The following SFMBT1 variants were observed in gnomAD, a reference collection of about 807,000 sequenced individuals.
The protein encoded by SFMBT1 is Scm like with four mbt domains 1.
SFMBT1 carries 32 observed loss-of-function variants against 108.7 expected under a neutral mutation model. The ratio of observed to expected loss-of-function variants is 0.29; its 90% CI spans 0.22 to 0.40. SFMBT1 has a LOEUF of 0.40. Ranked by LOEUF, SFMBT1 falls within the 10% of genes least tolerant of loss-of-function variation. The pLI, the probability that SFMBT1 is intolerant of heterozygous loss-of-function variation, is 1.00. For synonymous variants in SFMBT1, 348 were observed against 369.5 expected, an observed-to-expected ratio of 0.94 and a Z score of 0.67; for missense variants, 816 against 1,059.6, an observed-to-expected ratio of 0.77 and a Z score of 3.19.
chr3:52,954,465 G>C, intron 2 of SFMBT1, 54 bp from the exon 3 acceptor site: 1 of 1,353,458 alleles, frequency 7.4e-7, no homozygotes. Flanking sequence ...GAAAACTCAA[G>C]GTATAAAAAT....
chr3:52,999,727 C>T (rs1575429206), intron 1 of SFMBT1, among the ~76,000 whole-genome samples: 1 of 149,982 alleles, frequency 6.7e-6, no homozygotes, highest in Non-Finnish European at 1.5e-5. Flanking sequence ...TCATCCTGTG[C>T]CATGTTATGT....
rs1314013935 is a variant in SFMBT1 at position 52,904,957 on chromosome 3, C to G, written c.*179G>C. The G allele has an allele frequency of 6.2e-6, 4 of 647,860 alleles. No homozygotes were observed. The highest frequency in any genetic ancestry group is 9.8e-6 in the Non-Finnish European group (4 of 409,034). The allele number at this position is 647,860 out of a possible 1,614,324, so 40.1% of individuals were successfully genotyped here. ...CACATTTCCACCAGCAGGTGATCCA[C>G]TTCTGTGCACAGTTTTTGCTTCCTC... On this transcript the variant is annotated 3_prime_UTR_variant, in exon 21 of 21. Coordinates refer to ENST00000394752, the MANE Select transcript of SFMBT1 (RefSeq NM_016329.4).
At chr3:53,013,025 C>T (rs529351167) in intron 1 of SFMBT1, among the ~76,000 whole-genome samples, 1 of 151,652 alleles carries the variant, frequency 6.6e-6, no homozygotes, top group Non-Finnish European at 1.5e-5. Flanking sequence ...ATATTTTATA[C>T]TACCTTTCCC....
At chr3:52,905,988 TAAGAC>T in intron 20 of SFMBT1, 120 bp downstream of exon 20, 2 of 1,105,822 alleles carry the variant, frequency 1.8e-6, no homozygotes, top group Non-Finnish European at 2.6e-6. Flanking sequence ...AAAATGGAAT[TAAGAC>T]AATTCTTGTC....
chr3:52,936,155 A>C (rs1039721815), intron 4 of SFMBT1, among the ~76,000 whole-genome samples: 13 of 152,212 alleles, frequency 8.5e-5, no homozygotes, highest in African/African-American at 3.1e-4. Flanking sequence ...TTTAACGGTT[A>C]CTACATAGAT....
chr3:52,907,216 T>C lies in SFMBT1; in HGVS notation c.2184A>G (p.Glu728=). The C allele has an allele frequency of 6.2e-7, 1 of 1,614,106 alleles. No homozygotes were observed. The highest frequency in any genetic ancestry group is 8.5e-7 in the Non-Finnish European group (1 of 1,180,008). The change falls in exon 19 of 21, where the codon GAA becomes GAG. Residue 728 remains glutamate, a synonymous_variant. Coordinates refer to ENST00000394752, the MANE Select transcript of SFMBT1 (RefSeq NM_016329.4). ...TSEQQDELQE[E]SEMSEKKSCS... Reference sequence around the variant, plus strand: ...ATGACTTTTTTTCTGACATTTCTGATTCTTCCTGTAGCTCATCCTGCTGCT... The same window carrying C: ...ATGACTTTTTTTCTGACATTTCTGACTCTTCCTGTAGCTCATCCTGCTGCT...
chr3:52,973,168 G>C (rs553978381), intron 1 of SFMBT1, among the ~76,000 whole-genome samples: 2 of 152,258 alleles, frequency 1.3e-5, no homozygotes, highest in Admixed American at 6.5e-5. Context: ...CATGAGCAAT[G>C]ATCACACCAC....
intron 3 of SFMBT1, 63 bp from the exon 4 acceptor site, chr3:52,943,656 T>A: frequency 6.2e-7 from 1 of 1,606,222 alleles, no homozygotes; most frequent in Admixed American, 1.7e-5. Flanking sequence ...CTTTGACCAA[T>A]GTTCTTTTTT....
chr3:52,922,460 A>G (rs1219251287), intron 10 of SFMBT1, among the ~76,000 whole-genome samples: 2 of 152,216 alleles, frequency 1.3e-5, no homozygotes, highest in Non-Finnish European at 2.9e-5. Flanking sequence ...GTTTGCTTCT[A>G]TTTTGAAGAC....
intron 1 of SFMBT1, among the ~76,000 whole-genome samples, chr3:52,979,551 A>G (rs1704635431): frequency 6.6e-6 from 1 of 152,206 alleles, no homozygotes; most frequent in Non-Finnish European, 1.5e-5. Flanking sequence ...TTCCACCCAC[A>G]TTCCACTAAT....
In SFMBT1 at chr3:53,034,089, A is replaced by T. The variant is rs1468651444; in HGVS notation, c.-131+11727T>A. 7.3e-5 allele frequency among the ~76,000 whole-genome samples: 11 copies of T among 151,482 alleles called. No homozygotes were observed. In the South Asian group the frequency reaches 1.5e-3, roughly 20 times the overall value. ...CTGTCTCCAAAAAAAAAAAAAAAAAAAAAAAAATCAACAATTCCTTAATAT... is the reference window on the plus strand; with the variant it reads ...CTGTCTCCAAAAAAAAAAAAAAAAATAAAAAAATCAACAATTCCTTAATAT... On this transcript the variant is annotated intron_variant, in intron 1 of 20. Transcript: ENST00000394752.
intron 19 of SFMBT1, 37 bp downstream of exon 19, chr3:52,907,032 G>A (rs769815107): frequency 6.4e-6 from 10 of 1,572,486 alleles, no homozygotes; most frequent in Non-Finnish European, 8.6e-6. Context: ...ATTCCAGAGA[G>A]AAAGAAAGAA....
At chr3:53,012,558 A>G (rs1224895730) in intron 1 of SFMBT1, among the ~76,000 whole-genome samples, 1 of 151,660 alleles carries the variant, frequency 6.6e-6, no homozygotes, top group Non-Finnish European at 1.5e-5. Context: ...GCCCGCCACC[A>G]CGCCCGGCTA....
intron 2 of SFMBT1, among the ~76,000 whole-genome samples, chr3:52,958,984 G>C (rs1012545465): frequency 2.0e-5 from 3 of 152,170 alleles, no homozygotes; most frequent in Non-Finnish European, 4.4e-5. Context: ...CAGGGACATG[G>C]ATGGAGCTGG....
At chr3:52,942,436 CCATATGATTCT>C (rs1350376397) in intron 4 of SFMBT1, among the ~76,000 whole-genome samples, 3 of 152,180 alleles carry the variant, frequency 2.0e-5, no homozygotes, top group Non-Finnish European at 4.4e-5. Flanking sequence ...CAATAATTTT[CCATATGATTCT>C]CATAACTTTT....
chr3:52,910,895 A>T (rs905201579), intron 17 of SFMBT1, 108 bp downstream of exon 17: 33 of 875,642 alleles, frequency 3.8e-5, no homozygotes, highest in Admixed American at 1.9e-4. Flanking sequence ...TTTACAGAAG[A>T]AGTTCGTGTG....
intron 1 of SFMBT1, among the ~76,000 whole-genome samples, chr3:53,010,340 G>T (rs1023823336): frequency 3.3e-5 from 5 of 152,166 alleles, no homozygotes; most frequent in African/African-American, 1.2e-4. Flanking sequence ...CCTATCCCAG[G>T]GGAGGACAAA....
intron 1 of SFMBT1, among the ~76,000 whole-genome samples, chr3:52,993,042 A>T (rs1319806722): frequency 6.6e-6 from 1 of 152,242 alleles, no homozygotes; most frequent in East Asian, 1.9e-4. Flanking sequence ...GAGGGCCAAG[A>T]AAACCAAATT....
In SFMBT1 at chr3:52,981,414, G is replaced by A. The variant is rs150887953; in HGVS notation, c.-130-12156C>T. Among the ~76,000 whole-genome samples, 1,791 of 152,168 alleles carry A rather than the reference G, an allele frequency of 0.012. 115 individuals are homozygous for A. In the South Asian group the frequency reaches 0.17, roughly 14 times the overall value. On this transcript the variant is annotated intron_variant, in intron 1 of 20. Coordinates refer to ENST00000394752, the MANE Select transcript of SFMBT1 (RefSeq NM_016329.4). The stretch of plus-strand genomic sequence containing the variant: ...GTCTTGTTCTGTCACCCAGGCTGGA[G>A]TGCAATGGCATGAGCTCGGATCACT...
Sources: allele counts gnomAD v4.1 joint callset (sites outside exome capture counted in the v4.1 genomes callset), GRCh38; gene constraint gnomAD v4.1.1; transcripts MANE v1.5; gene names NCBI Gene and HGNC (gene_info 2026-07-23, HGNC 2026-07-21).